The following AAMDC variants were observed in gnomAD, a reference collection of about 807,000 sequenced individuals.
AAMDC encodes mth938 domain-containing protein.
Under a neutral mutation model 15.5 loss-of-function variants are expected in AAMDC, and 16 were observed. That is an observed-to-expected ratio of 1.03 (90% CI 0.70 to 1.57). AAMDC has a LOEUF of 1.57. Ranked by LOEUF, AAMDC falls within the 40% of genes most tolerant of loss-of-function variation. AAMDC has a pLI of 0.00. For missense variants in AAMDC, 141 were observed against 144.9 expected (o/e 0.97, Z 0.14); for synonymous variants, 51 against 51.6 (o/e 0.99, Z 0.05).
chr11:77,882,915 C>CA (rs1409990539), intron 5 of AAMDC, among the ~76,000 whole-genome samples: 2 of 151,858 alleles, frequency 1.3e-5, no homozygotes, highest in Non-Finnish European at 2.9e-5. Context: ...TACTAAAATA[C>CA]AAAAAAATTA....
intron 2 of AAMDC, among the ~76,000 whole-genome samples, chr11:77,863,722 C>T (rs1183157794): frequency 2.0e-5 from 3 of 152,100 alleles, no homozygotes; most frequent in Non-Finnish European, 4.4e-5. Context: ...ACTATGTTGC[C>T]CAGGCTGGTC....
intron 1 of AAMDC, among the ~76,000 whole-genome samples, chr11:77,835,635 G>A (rs1176423293): frequency 6.6e-6 from 1 of 152,032 alleles, no homozygotes; most frequent in African/African-American, 2.4e-5. Flanking sequence ...GTCTAAAGTT[G>A]GGGCCAGGCG....
intron 2 of AAMDC, among the ~76,000 whole-genome samples, chr11:77,864,004 G>A (rs927722719): frequency 6.6e-6 from 1 of 150,754 alleles, no homozygotes; most frequent in Non-Finnish European, 1.5e-5. Flanking sequence ...CTGGCTCACT[G>A]CAACCTCTGC....
chr11:77,883,689 G>A (rs1461791742), intron 5 of AAMDC: 6 of 836,284 alleles, frequency 7.2e-6, no homozygotes, highest in Non-Finnish European at 1.1e-5. Context: ...CACTTAATGA[G>A]TGCTTATAAA....
At chr11:77,846,167 T>C (rs1590944006) in intron 2 of AAMDC, among the ~76,000 whole-genome samples, 1 of 152,224 alleles carries the variant, frequency 6.6e-6, no homozygotes, top group South Asian at 2.1e-4. Flanking sequence ...GCTTCTGAGG[T>C]CTGCTAATTT....
intron 5 of AAMDC, among the ~76,000 whole-genome samples, chr11:77,878,237 C>G (rs1477048783): frequency 6.6e-6 from 1 of 152,016 alleles, no homozygotes; most frequent in African/African-American, 2.4e-5. Context: ...TGACAGGCGC[C>G]TGTAGTCCCA....
intron 5 of AAMDC, among the ~76,000 whole-genome samples, chr11:77,897,730 C>T (rs1204709031): frequency 6.6e-6 from 1 of 151,798 alleles, no homozygotes; most frequent in African/African-American, 2.4e-5. Flanking sequence ...TGGTCTCAAT[C>T]TCCTGACCTC....
chr11:77,849,853 C>G (rs1028169279), intron 2 of AAMDC, among the ~76,000 whole-genome samples: 4 of 152,148 alleles, frequency 2.6e-5, no homozygotes, highest in African/African-American at 9.7e-5. Context: ...TTTGCATTAT[C>G]TCCTCTATGA....
rs11512969 is a variant in AAMDC, at chr11:77,890,908, C to T, written c.329-9663C>T. On this transcript the variant is annotated intron_variant, in intron 5 of 5. Transcript: ENST00000304716. ...AATATTTCCTAGTAATTGCTTTTTC[C>T]CAACCATAAATTTTATCTGCCAGCC... 5.4e-3 allele frequency among the ~76,000 whole-genome samples: 826 copies of T among 152,198 alleles called. 3 individuals carry two copies. Among genetic ancestry groups the T allele is most frequent in the Non-Finnish European group, 9.1e-3 (617 of 68,016 alleles).
chr11:77,841,881 C>T (rs1949947385), intron 1 of AAMDC, among the ~76,000 whole-genome samples: 1 of 152,194 alleles, frequency 6.6e-6, no homozygotes, highest in Non-Finnish European at 1.5e-5. Flanking sequence ...CCTTTTTAAA[C>T]TGATAATGGC....
intron 1 of AAMDC, among the ~76,000 whole-genome samples, chr11:77,836,427 A>C (rs1949684614): frequency 6.6e-6 from 1 of 152,114 alleles, no homozygotes; most frequent in African/African-American, 2.4e-5. Context: ...ATGTGAGAAA[A>C]CAGCAAAAGG....
downstream of AAMDC, among the ~76,000 whole-genome samples, chr11:77,904,884 T>A (rs1006300054): frequency 6.6e-6 from 1 of 152,216 alleles, no homozygotes; most frequent in African/African-American, 2.4e-5. Flanking sequence ...TGTTATTGTC[T>A]TTATTTGGAA....
intron 5 of AAMDC, chr11:77,891,753 A>C (rs750826184): frequency 6.2e-7 from 1 of 1,612,030 alleles, no homozygotes; most frequent in Admixed American, 1.7e-5. Flanking sequence ...CCACTTCTGC[A>C]GGTTTGGATG....
At chr11:77,824,797 T>C (rs1949091805) in intron 1 of AAMDC, among the ~76,000 whole-genome samples, 1 of 152,234 alleles carries the variant, frequency 6.6e-6, no homozygotes, top group Non-Finnish European at 1.5e-5. Flanking sequence ...TCAAAATTCA[T>C]TGAACTCTAT....
intron 5 of AAMDC, among the ~76,000 whole-genome samples, chr11:77,880,571 G>T (rs978050508): frequency 6.6e-6 from 1 of 152,088 alleles, no homozygotes; most frequent in Non-Finnish European, 1.5e-5. Context: ...ATCAAAATAG[G>T]TACCTATATC....
intron 5 of AAMDC, among the ~76,000 whole-genome samples, chr11:77,879,556 T>C (rs1053314332): frequency 2.6e-5 from 4 of 152,174 alleles, no homozygotes; most frequent in African/African-American, 7.2e-5. Context: ...GACTACTTTA[T>C]TAGTGGAGAG....
intron 2 of AAMDC, among the ~76,000 whole-genome samples, chr11:77,869,426 A>G (rs935452650): frequency 1.3e-5 from 2 of 148,556 alleles, no homozygotes; most frequent in African/African-American, 5.0e-5. Context: ...AATCCTCCCA[A>G]CTCAGCTCTC....
At chr11:77,839,799 A>C (rs950926494) in intron 1 of AAMDC, among the ~76,000 whole-genome samples, 1 of 152,054 alleles carries the variant, frequency 6.6e-6, no homozygotes, top group African/African-American at 2.4e-5. Flanking sequence ...GAGGGGAACA[A>C]CACACACTGG....
chr11:77,843,748 T>C (rs1316550235), intron 2 of AAMDC, among the ~76,000 whole-genome samples: 1 of 152,180 alleles, frequency 6.6e-6, no homozygotes, highest in East Asian at 1.9e-4. Context: ...TATTAATTCA[T>C]TTTCATTAGT....
Sources: allele counts gnomAD v4.1 joint callset (sites outside exome capture counted in the v4.1 genomes callset), GRCh38; gene constraint gnomAD v4.1.1; transcripts MANE v1.5; gene names NCBI Gene and HGNC (gene_info 2026-07-23, HGNC 2026-07-21).